OTOP1: variants seen among roughly 807,000 people sequenced by gnomAD.
OTOP1 encodes the protein otopetrin 1.
A neutral mutation model predicts 52.9 loss-of-function variants in OTOP1; 59 were observed. The ratio of observed to expected loss-of-function variants is 1.12; its 90% CI spans 0.91 to 1.39. The LOEUF is 1.39. Among genes scored for constraint, OTOP1 ranks in the 40% most tolerant of loss-of-function variants. The pLI is 0.00. For synonymous variants in OTOP1, 317 were observed against 337.7 expected (o/e 0.94, Z 0.67); for missense variants, 761 against 800.9 (o/e 0.95, Z 0.60).
chr4:4,225,191 G>T (rs186965215), intron 1 of OTOP1, among the ~76,000 whole-genome samples: 6 of 152,336 alleles, frequency 3.9e-5, no homozygotes, highest in Admixed American at 6.5e-5. Context: ...TCCTGGGAAG[G>T]TTACTCAGAC....
Position 4,197,151 on chromosome 4 carries a change from C to T in OTOP1, c.1668+15G>A. 1 of 1,585,100 alleles carries T rather than the reference C, an allele frequency of 6.3e-7. No individual in the cohort carries two copies. Among genetic ancestry groups the T allele is most frequent in the African/African-American group, 1.4e-5 (1 of 74,026 alleles). Reference sequence around the variant, plus strand: ...AGTAAAATTAAAAGAATAAGAATAACTTGGTGCAGATTACCGAAATATTGC... The same window carrying T: ...AGTAAAATTAAAAGAATAAGAATAATTTGGTGCAGATTACCGAAATATTGC... On this transcript the variant is annotated intron_variant, in intron 5 of 5. Coordinates refer to ENST00000296358, the MANE Select transcript of OTOP1 (RefSeq NM_177998.3).
At chr4:4,214,750 C>T (rs761421964) in intron 1 of OTOP1, among the ~76,000 whole-genome samples, 25 of 152,232 alleles carry the variant, frequency 1.6e-4, no homozygotes, top group Non-Finnish European at 2.9e-4. Context: ...CAAATGTAAG[C>T]AAATTCATAG....
chr4:4,202,720 G>A, intron 3 of OTOP1, 142 bp from the exon 4 acceptor site: 1 of 1,073,124 alleles, frequency 9.3e-7, no homozygotes, highest in Non-Finnish European at 1.3e-6. Context: ...GCTCTGGGTG[G>A]GCCCCCTGCC....
rs1470220157 is a variant in OTOP1 at position 4,197,742 on chromosome 4, C to T, written c.1092G>A (p.Ala364=). The part of the protein sequence containing the change: ...AITLLMLMGA[A]GLAGIRIYRI... Reference sequence around the variant, plus strand: ...TGTAAATCCGGATTCCAGCCAGCCCCGCAGCCCCCATAAGCATCAGCAGGG... The same window carrying T: ...TGTAAATCCGGATTCCAGCCAGCCCTGCAGCCCCCATAAGCATCAGCAGGG... The change falls in exon 5 of 6, where the codon GCG becomes GCA. Residue 364 remains alanine (A), a synonymous_variant. Transcript: ENST00000296358. 1.7e-5 allele frequency: 28 copies of T among 1,613,948 alleles called. No homozygotes were observed. The highest frequency in any genetic ancestry group is 1.6e-4 in the Middle Eastern group (1 of 6,062).
intron 1 of OTOP1, among the ~76,000 whole-genome samples, chr4:4,218,925 T>C (rs557699535): frequency 6.0e-5 from 9 of 150,620 alleles, no homozygotes; most frequent in African/African-American, 2.2e-4. Context: ...CGAGACTCCG[T>C]CTCAAAAAAA....
intron 5 of OTOP1, among the ~76,000 whole-genome samples, chr4:4,193,490 C>T (rs1248945564): frequency 6.6e-6 from 1 of 152,188 alleles, no homozygotes; most frequent in Non-Finnish European, 1.5e-5. Context: ...GACTGGCTCC[C>T]GATGCTGGAG....
chr4:4,205,062 G>A (rs1308756674), intron 3 of OTOP1, among the ~76,000 whole-genome samples: 9 of 152,226 alleles, frequency 5.9e-5, no homozygotes, highest in African/African-American at 1.7e-4. Flanking sequence ...GTGAGCCACC[G>A]CGCCCAGTCC....
At chr4:4,225,692 C>T (rs577100625) in intron 1 of OTOP1, among the ~76,000 whole-genome samples, 1 of 152,232 alleles carries the variant, frequency 6.6e-6, no homozygotes, top group Admixed American at 6.5e-5. Context: ...TGCATCCACG[C>T]ATTCATTATT....
chr4:4,194,926 T>A (rs977830572), intron 5 of OTOP1, among the ~76,000 whole-genome samples: 10 of 152,250 alleles, frequency 6.6e-5, no homozygotes, highest in African/African-American at 2.4e-4. Flanking sequence ...CTTCTCTCCA[T>A]CCCTCCATCA....
chr4:4,207,357 A>G (rs1307876991), intron 2 of OTOP1, among the ~76,000 whole-genome samples: 1 of 152,222 alleles, frequency 6.6e-6, no homozygotes, highest in Non-Finnish European at 1.5e-5. Flanking sequence ...TTTAGTGAAA[A>G]ACTTGTAATA....
intron 1 of OTOP1, among the ~76,000 whole-genome samples, chr4:4,217,791 C>T (rs1717182734): frequency 6.6e-6 from 1 of 152,170 alleles, no homozygotes. Flanking sequence ...ATCCACATAA[C>T]TTGTCTGACA....
At chr4:4,219,307 AAGAAAGTC>A (rs1717217193) in intron 1 of OTOP1, among the ~76,000 whole-genome samples, 1 of 152,206 alleles carries the variant, frequency 6.6e-6, no homozygotes, top group Admixed American at 6.5e-5. Flanking sequence ...ATGCAACAAA[AAGAAAGTC>A]AGAATGGCAA....
At chr4:4,202,206 C>A (rs1716802506) in intron 4 of OTOP1, among the ~76,000 whole-genome samples, 1 of 152,186 alleles carries the variant, frequency 6.6e-6, no homozygotes, top group African/African-American at 2.4e-5. Flanking sequence ...AGAATAATCA[C>A]CGTGGGTCTT....
At chr4:4,206,821 T>C (rs570859537) in intron 2 of OTOP1, among the ~76,000 whole-genome samples, 1 of 152,228 alleles carries the variant, frequency 6.6e-6, no homozygotes, top group South Asian at 2.1e-4. Flanking sequence ...ATGATCCATG[T>C]CAATCACTTA....
At chr4:4,202,342 T>C (rs2108799298) in intron 4 of OTOP1, 106 bp downstream of exon 4, 2 of 1,519,270 alleles carry the variant, frequency 1.3e-6, no homozygotes, top group African/African-American at 1.4e-5. Flanking sequence ...TGGGTGGCCC[T>C]GCAGTTCTTT....
chr4:4,212,076 C>T (rs1717038586), intron 2 of OTOP1, among the ~76,000 whole-genome samples: 2 of 152,024 alleles, frequency 1.3e-5, no homozygotes, highest in Admixed American at 6.6e-5. Context: ...ATCAAAGAAT[C>T]ATGTTGTATA....
In OTOP1 at chr4:4,197,231, G is replaced by T. The variant is rs1166050854; in HGVS notation, c.1603C>A (p.Gln535Lys). The change falls in exon 5 of 6, where the codon CAG becomes AAG. Residue 535 changes from glutamine (Q) to lysine (K), a missense_variant. By Grantham distance (53) the Gln-to-Lys change is moderately conservative. Coordinates refer to ENST00000296358, the MANE Select transcript of OTOP1 (RefSeq NM_177998.3). ...PSPVRLPRFL[Q>K]GNAKRKVLRN... is the part of the protein sequence containing the mutation. Reference sequence around the variant, plus strand: ...AGGACTTTTCTCTTGGCGTTGCCCTGTAAGAAACGGGGAAGGCGGACTGGG... The same window carrying T: ...AGGACTTTTCTCTTGGCGTTGCCCTTTAAGAAACGGGGAAGGCGGACTGGG... 1 of 1,614,054 alleles carries T rather than the reference G, an allele frequency of 6.2e-7. No homozygotes were observed. The highest frequency in any genetic ancestry group is 8.5e-7 in the Non-Finnish European group (1 of 1,180,012).
intron 1 of OTOP1, 127 bp from the exon 2 acceptor site, chr4:4,213,131 G>C: frequency 8.2e-7 from 1 of 1,216,354 alleles, no homozygotes; most frequent in Non-Finnish European, 1.1e-6. Context: ...TTTCACAAGG[G>C]TGCCGAGACC....
chr4:4,196,990 G>C (rs1369721579), intron 5 of OTOP1, among the ~76,000 whole-genome samples, 176 bp downstream of exon 5: 2 of 152,140 alleles, frequency 1.3e-5, no homozygotes, highest in Non-Finnish European at 2.9e-5. Context: ...GGGGTGCAGG[G>C]TGAAAAACTA....
Sources: gnomAD v4.1 joint callset for allele counts (sites outside exome capture counted in the v4.1 genomes callset) on GRCh38, gnomAD v4.1.1 for gene constraint, MANE v1.5 for transcripts, NCBI Gene and HGNC (gene_info 2026-07-23, HGNC 2026-07-21) for gene names.